GYG1: variants seen among roughly 807,000 people sequenced by gnomAD.
GYG1 encodes glycogenin 1.
Under a neutral mutation model 41.9 loss-of-function variants are expected in GYG1, and 44 were observed. The observed-to-expected ratio is 1.05, with a 90% CI of 0.83 to 1.35. The LOEUF is 1.35. GYG1 is among the 40% of genes most tolerant of loss of function. The pLI, the probability that GYG1 is intolerant of heterozygous loss-of-function variation, is 0.00. For missense variants in GYG1, 429 were observed against 418.9 expected, an observed-to-expected ratio of 1.02 and a Z score of -0.21; for synonymous variants, 141 against 158.1, an observed-to-expected ratio of 0.89 and a Z score of 0.81.
rs1477619940 is a variant in GYG1, at chr3:148,996,329, A to T, written c.171A>T (p.Glu57Asp). ...MRKVLETVFD[E>D]VIMVDVLDSG... is the part of the protein sequence containing the mutation. ...AAGTTTTAGAGACAGTCTTTGATGA[A>T]GTCATCATGGTAGATGTCTTGGACA... Residue 57 changes from glutamate (E) to aspartate (D), a missense_variant, in exon 3 of 8, where the codon GAA becomes GAT. Transcript: ENST00000345003. The T allele has an allele frequency of 3.1e-6, 5 of 1,611,556 alleles. No individual in the cohort carries two copies. Among genetic ancestry groups the T allele is most frequent in the Non-Finnish European group, 4.2e-6 (5 of 1,179,372 alleles).
At chr3:148,993,128 A>G (rs562785061) in intron 1 of GYG1, among the ~76,000 whole-genome samples, 10 of 152,252 alleles carry the variant, frequency 6.6e-5, no homozygotes, top group East Asian at 3.9e-4. Flanking sequence ...CCAACTTGCT[A>G]ATGTTTCTTG....
rs1408062667 is a variant in GYG1 at position 149,027,782 on chromosome 3, G to T, written c.*849G>T. 1 of 152,150 alleles carries T rather than the reference G, an allele frequency of 6.6e-6. No individual in the cohort carries two copies. Among genetic ancestry groups the T allele is most frequent in the Non-Finnish European group, 1.5e-5 (1 of 68,038 alleles). 9.4% of individuals were successfully genotyped at this position (152,150 alleles called of 1,614,324 possible). A position where few individuals can be genotyped will look rare whatever the true frequency, so the allele number is the denominator to read the frequency against. ...ATATGCTTTAAAAACTGGTATCTAT[G>T]ATTTCAATCTAATTGTTTTTCTGTG... On this transcript the variant is annotated 3_prime_UTR_variant, in exon 8 of 8. Coordinates refer to ENST00000345003, the MANE Select transcript of GYG1 (RefSeq NM_004130.4).
Position 149,027,713 on chromosome 3 carries a change from A to G in GYG1, c.*780A>G, listed in dbSNP as rs1431415003. 1 of 152,192 alleles carries G rather than the reference A, an allele frequency of 6.6e-6. No homozygotes were observed. Among genetic ancestry groups the G allele is most frequent in the Non-Finnish European group, 1.5e-5 (1 of 68,024 alleles). 9.4% of individuals were successfully genotyped at this position (152,192 alleles called of 1,614,324 possible). A position where few individuals can be genotyped will look rare whatever the true frequency, so the allele number is the denominator to read the frequency against. On this transcript the variant is annotated 3_prime_UTR_variant, in exon 8 of 8. Coordinates refer to ENST00000345003, the MANE Select transcript of GYG1 (RefSeq NM_004130.4). ...TTAGGGAATTTTTCACAATTTTTGG[A>G]ATTTGTCATAGTTTTAAAAAAGTGT...
Position 149,028,705 on chromosome 3 carries a change from ATTTTTTTTTT to A in GYG1, c.*1786_*1795del, listed in dbSNP as rs71617496. 5.2e-5 allele frequency among the ~76,000 whole-genome samples: 7 copies of A among 133,720 alleles called. No individual in the cohort carries two copies. The highest frequency in any genetic ancestry group is 1.4e-4 in the African/African-American group (5 of 34,902). The allele number at this position is 133,720 out of a possible 152,430, so 87.7% of individuals were successfully genotyped here. A position where few individuals can be genotyped will look rare whatever the true frequency, so the allele number is the denominator to read the frequency against. ...GGTGGAAAAGCTGACATAGTTTTAA[ATTTTTTTTTT>A]TTTTTTTTTTTTTCTTGAGGCAGAG... On this transcript the variant is annotated 3_prime_UTR_variant, in exon 8 of 8. Transcript: ENST00000345003.
In GYG1 at chr3:148,991,552, C is replaced by T. The variant is rs1057386010; in HGVS notation, c.-89C>T. The stretch of plus-strand genomic sequence containing the variant: ...GCAGACGCTCGGTTCCCCGCCGTGC[C>T]TCCTCGCTGGCCGCGCTCCCTCCCG... On this transcript the variant is annotated 5_prime_UTR_variant, in exon 1 of 8. Coordinates refer to ENST00000345003, the MANE Select transcript of GYG1 (RefSeq NM_004130.4). The T allele has an allele frequency of 2.6e-6, 4 of 1,514,382 alleles. No homozygotes were observed. Among genetic ancestry groups the T allele is most frequent in the Non-Finnish European group, 3.5e-6 (4 of 1,130,778 alleles). 93.8% of individuals were successfully genotyped at this position (1,514,382 alleles called of 1,614,324 possible).
At position 148,994,174 on chromosome 3, in the gene GYG1, G is replaced by A. The variant is rs1198595748; in HGVS notation, c.40G>A (p.Ala14Thr). 1.2e-6 allele frequency: 2 copies of A among 1,613,436 alleles called. No individual in the cohort carries two copies. The highest frequency in any genetic ancestry group is 2.7e-5 in the African/African-American group (2 of 74,886). ...QAFVTLTTND[A>T]YAKGALVLGS... The stretch of plus-strand genomic sequence containing the variant: ...CTTTGTGACACTAACCACAAACGAT[G>A]CCTACGCCAAAGGTGCCCTGGTCCT... Residue 14 changes from alanine (A) to threonine (T), a missense_variant, in exon 2 of 8, where the codon GCC (alanine) becomes ACC (threonine). Transcript: ENST00000345003.
At chr3:149,003,411 T>C (rs1006333545) in intron 4 of GYG1, among the ~76,000 whole-genome samples, 4 of 152,186 alleles carry the variant, frequency 2.6e-5, no homozygotes, top group Non-Finnish European at 5.9e-5. Flanking sequence ...TCACCGTGCC[T>C]GGACTTTTAC....
At chr3:149,004,407 A>G (rs1216614934) in intron 4 of GYG1, among the ~76,000 whole-genome samples, 1 of 152,236 alleles carries the variant, frequency 6.6e-6, no homozygotes, top group Admixed American at 6.5e-5. Flanking sequence ...AGATGTGCCT[A>G]GATTTGCATT....
chr3:149,023,787 C>G (rs969491508), intron 5 of GYG1, among the ~76,000 whole-genome samples: 1 of 152,076 alleles, frequency 6.6e-6, no homozygotes, highest in Non-Finnish European at 1.5e-5. Flanking sequence ...GAGTTCAAGA[C>G]CAGGCTGGAC....
At chr3:148,999,928 A>G (rs1712999711) in intron 4 of GYG1, among the ~76,000 whole-genome samples, 1 of 152,144 alleles carries the variant, frequency 6.6e-6, no homozygotes, top group Non-Finnish European at 1.5e-5. Context: ...TCTCAGTGTG[A>G]ATATCTCGCA....
At chr3:149,024,340 G>T in intron 6 of GYG1, 68 bp downstream of exon 6, 4 of 944,030 alleles carry the variant, frequency 4.2e-6, no homozygotes, top group Non-Finnish European at 7.0e-6. Context: ...TATCAATAGA[G>T]ATGTGGAATA....
intron 6 of GYG1, among the ~76,000 whole-genome samples, chr3:149,025,110 C>G (rs1487799777): frequency 6.6e-6 from 1 of 152,172 alleles, no homozygotes; most frequent in Non-Finnish European, 1.5e-5. Context: ...CACTTGCATT[C>G]TTACTCTGAG....
At chr3:149,003,596 A>G (rs1037824132) in intron 4 of GYG1, among the ~76,000 whole-genome samples, 1 of 152,224 alleles carries the variant, frequency 6.6e-6, no homozygotes, top group South Asian at 2.1e-4. Context: ...TCGTTCTTCA[A>G]AAGACTCTAG....
Position 149,026,793 on chromosome 3 carries a change from C to T in GYG1, c.913C>T (p.Leu305Phe). The T allele has an allele frequency of 3.1e-6, 5 of 1,613,706 alleles. No individual in the cohort carries two copies. Among genetic ancestry groups the T allele is most frequent in the East Asian group, 2.2e-5 (1 of 44,882 alleles). ...DVSGAISHLS[L>F]GEIPAMAQPF... is the part of the protein sequence containing the mutation. ...CTCAGGAGCCATATCACATCTGTCC[C>T]TTGGGGAGATCCCAGCTATGGCACA... is the stretch of plus-strand genomic sequence containing the variant. Residue 305 changes from leucine (L) to phenylalanine (F), a missense_variant, in exon 8 of 8, where the codon CTT becomes TTT. Physicochemically the swap from Leu to Phe is conservative, Grantham distance 22 (BLOSUM62 0). Transcript: ENST00000345003.
Position 149,027,289 on chromosome 3 carries a change from A to T in GYG1, c.*356A>T. ...AATCAGTCACTCCCTTCAGAAGCAG[A>T]CATGGCATCTGTTCCTTGCTTGCTT... On this transcript the variant is annotated 3_prime_UTR_variant, in exon 8 of 8. Transcript: ENST00000345003. 1 of 310,736 alleles carries T rather than the reference A, an allele frequency of 3.2e-6. No homozygotes were observed. Among genetic ancestry groups the T allele is most frequent in the Non-Finnish European group, 6.1e-6 (1 of 163,018 alleles). 19.2% of individuals were successfully genotyped at this position (310,736 alleles called of 1,614,324 possible). A position where few individuals can be genotyped will look rare whatever the true frequency, so the allele number is the denominator to read the frequency against.
Position 149,028,705 on chromosome 3 carries a change from ATTTTTTT to A in GYG1, c.*1789_*1795del, listed in dbSNP as rs71617496. ...GGTGGAAAAGCTGACATAGTTTTAA[ATTTTTTT>A]TTTTTTTTTTTTTTTTCTTGAGGCA... On this transcript the variant is annotated 3_prime_UTR_variant, in exon 8 of 8. Transcript: ENST00000345003. Among the ~76,000 whole-genome samples the A allele has an allele frequency of 1.5e-3, 204 of 133,732 alleles. 1 individual carries two copies. Among genetic ancestry groups the A allele is most frequent in the Admixed American group, 2.6e-3 (34 of 13,100 alleles). The allele number at this position is 133,732 out of a possible 152,430, so 87.7% of individuals were successfully genotyped here.
At chr3:148,994,342 T>A (rs1712668784) in intron 2 of GYG1, 65 bp downstream of exon 2, 2 of 1,525,950 alleles carry the variant, frequency 1.3e-6, no homozygotes, top group South Asian at 2.2e-5. Context: ...GTTGCTGACA[T>A]CATTGGACAT....
Position 148,996,412 on chromosome 3 carries a change from C to T in GYG1, c.254C>T (p.Thr85Ile), listed in dbSNP as rs1240549289. 1.9e-6 allele frequency: 3 copies of T among 1,613,806 alleles called. No homozygotes were observed. The South Asian group carries it at 3.3e-5, about 18-fold the overall frequency. ...MKRPELGVTL[T>I]KLHCWSLTQY... ...AGGCCAGAGTTGGGTGTCACGCTGACAAAGCTCCACTGCTGGTCGCTTACA... is the reference window on the plus strand; with the variant it reads ...AGGCCAGAGTTGGGTGTCACGCTGATAAAGCTCCACTGCTGGTCGCTTACA... Residue 85 changes from threonine to isoleucine, a missense_variant, in exon 3 of 8, where the codon ACA (threonine) becomes ATA (isoleucine). Thr to Ile is a moderately conservative substitution (Grantham distance 89). Coordinates refer to ENST00000345003, the MANE Select transcript of GYG1 (RefSeq NM_004130.4).
chr3:148,996,605 T>G (rs1712806688), intron 3 of GYG1, 129 bp downstream of exon 3: 1 of 1,191,346 alleles, frequency 8.4e-7, no homozygotes, highest in East Asian at 2.4e-5. Context: ...ATGAAATATG[T>G]CAGGGGATGA....
Sources: gnomAD v4.1 joint callset for allele counts (sites outside exome capture counted in the v4.1 genomes callset) on GRCh38, gnomAD v4.1.1 for gene constraint, MANE v1.5 for transcripts, NCBI Gene and HGNC (gene_info 2026-07-23, HGNC 2026-07-21) for gene names.